KAZN: variants seen among roughly 807,000 people sequenced by gnomAD.
KAZN encodes kazrin.
KAZN carries 40 observed loss-of-function variants against 87.4 expected under a neutral mutation model. The ratio of observed to expected loss-of-function variants is 0.46; its 90% CI spans 0.36 to 0.60. KAZN has a LOEUF of 0.60. Ranked by LOEUF, KAZN falls within the 20% of genes least tolerant of loss-of-function variation. The pLI, the probability that KAZN is intolerant of heterozygous loss-of-function variation, is 0.00. For synonymous variants in KAZN, 466 were observed against 458.3 expected (o/e 1.02, Z -0.22); for missense variants, 898 against 1,073.9 (o/e 0.84, Z 2.29).
chr1:13,916,326 G>A (rs956882917), intron 1 of KAZN, among the ~76,000 whole-genome samples: 4 of 152,160 alleles, frequency 2.6e-5, no homozygotes, highest in African/African-American at 9.7e-5. Context: ...CTCTGATTAT[G>A]TTCTGTTTCT....
chr1:14,485,507 C>T (rs1669301267), intron 2 of KAZN, among the ~76,000 whole-genome samples: 2 of 152,142 alleles, frequency 1.3e-5, no homozygotes, highest in South Asian at 4.1e-4. Flanking sequence ...GCCATGGCAA[C>T]ACCCAGAACT....
intron 2 of KAZN, among the ~76,000 whole-genome samples, chr1:14,431,511 A>C (rs556701130): frequency 7.7e-4 from 117 of 152,262 alleles, no homozygotes; most frequent in African/African-American, 2.6e-3. Flanking sequence ...TAGCTGGTAA[A>C]GTATTGTTTC....
At chr1:14,899,375 C>G (rs998396192) in intron 1 of KAZN, among the ~76,000 whole-genome samples, 4 of 152,138 alleles carry the variant, frequency 2.6e-5, no homozygotes, top group African/African-American at 9.7e-5. Flanking sequence ...AAAACCTTTT[C>G]CCAGGGTTTT....
rs1645087619 is a variant in KAZN, at chr1:14,773,715, T to C, written c.226+174492T>C. On this transcript the variant is annotated intron_variant, in intron 1 of 14. Coordinates refer to ENST00000376030, the MANE Select transcript of KAZN (RefSeq NM_201628.3). The surrounding 1 kb of genome is among the most constrained non-coding windows in gnomAD (Gnocchi z 5.9). ...GGTTACCCATTGGCGTCACTTAGCC[T>C]GGCAGTGCTGCTAATGAGGCCTCTG... 6.6e-6 allele frequency among the ~76,000 whole-genome samples: 1 copy of C among 152,168 alleles called. No individual in the cohort carries two copies. Among genetic ancestry groups the C allele is most frequent in the African/African-American group, 2.4e-5 (1 of 41,452 alleles).
chr1:14,045,815 G>C (rs1345005985), intron 1 of KAZN, among the ~76,000 whole-genome samples: 1 of 152,146 alleles, frequency 6.6e-6, no homozygotes, highest in Non-Finnish European at 1.5e-5. Context: ...ACTTAACATA[G>C]TACCTATAAA....
At chr1:15,058,029 C>T (rs1638457686) in intron 5 of KAZN, among the ~76,000 whole-genome samples, 1 of 152,248 alleles carries the variant, frequency 6.6e-6, no homozygotes, top group Non-Finnish European at 1.5e-5. Flanking sequence ...CAGACACCCC[C>T]TCCTCCAGGA....
chr1:15,069,270 G>C (rs1639401035), intron 8 of KAZN, among the ~76,000 whole-genome samples: 1 of 152,082 alleles, frequency 6.6e-6, no homozygotes, highest in South Asian at 2.1e-4. Context: ...CATAGCCTCA[G>C]ATAGCCACAG....
At chr1:14,546,950 G>A (rs979262277) in intron 2 of KAZN, among the ~76,000 whole-genome samples, 14 of 152,146 alleles carry the variant, frequency 9.2e-5, no homozygotes, top group African/African-American at 3.4e-4. Context: ...TCCCCTTCCT[G>A]TGCACCTGGG....
chr1:14,058,395 C>A (rs1642662204), intron 1 of KAZN, among the ~76,000 whole-genome samples: 1 of 152,156 alleles, frequency 6.6e-6, no homozygotes, highest in African/African-American at 2.4e-5. Flanking sequence ...ATTCTGTTCT[C>A]TGCTACTGGC....
intron 1 of KAZN, among the ~76,000 whole-genome samples, chr1:13,907,825 C>T (rs930651567): frequency 7.2e-5 from 11 of 152,100 alleles, no homozygotes; most frequent in East Asian, 3.8e-4. Flanking sequence ...CTTCTCCCAC[C>T]GCAACATTTT....
At chr1:14,268,639 T>C (rs1160646746) in intron 2 of KAZN, among the ~76,000 whole-genome samples, 8 of 152,188 alleles carry the variant, frequency 5.3e-5, no homozygotes. Flanking sequence ...CAGTTGGCTT[T>C]CAACTTGAAG....
At chr1:14,868,195 C>T (rs74894142) in intron 1 of KAZN, among the ~76,000 whole-genome samples, 4,474 of 151,688 alleles carry the variant, frequency 0.029, 83 homozygotes, top group Non-Finnish European at 0.041. Flanking sequence ...TCAAATAGCA[C>T]GCATCACATA....
intron 1 of KAZN, among the ~76,000 whole-genome samples, chr1:14,600,517 G>T (rs567632998): frequency 6.6e-6 from 1 of 152,042 alleles, no homozygotes; most frequent in Admixed American, 6.6e-5. Flanking sequence ...TTAGGAATTG[G>T]GGGGAGTACT....
chr1:14,515,497 C>T (rs1173608503), intron 2 of KAZN, among the ~76,000 whole-genome samples: 10 of 152,322 alleles, frequency 6.6e-5, no homozygotes, highest in Admixed American at 6.5e-4. Context: ...ACTTGGGAAA[C>T]CCGGAAGCAG....
At chr1:14,007,676 A>G (rs1445061670) in intron 1 of KAZN, among the ~76,000 whole-genome samples, 1 of 152,250 alleles carries the variant, frequency 6.6e-6, no homozygotes, top group African/African-American at 2.4e-5. Flanking sequence ...TTTCCAAATC[A>G]CTAGCAGCAT....
rs965513389 is a variant in KAZN, at chr1:14,714,408, GA to G, written c.226+115195del. 3.3e-3 allele frequency among the ~76,000 whole-genome samples: 500 copies of G among 149,664 alleles called. 3 individuals carry two copies. Among genetic ancestry groups the G allele is most frequent in the African/African-American group, 0.011 (461 of 40,896 alleles). Reference sequence around the variant, plus strand: ...CATTATTAAAGAAACCCAAAGCAAAGAAAAAAAAAATCCCTAAGCAGCCAGT... The same window carrying G: ...CATTATTAAAGAAACCCAAAGCAAAGAAAAAAAAATCCCTAAGCAGCCAGT... On this transcript the variant is annotated intron_variant, in intron 1 of 14. Coordinates refer to ENST00000376030, the MANE Select transcript of KAZN (RefSeq NM_201628.3).
intron 1 of KAZN, among the ~76,000 whole-genome samples, chr1:14,080,117 C>T (rs1643614497): frequency 6.6e-6 from 1 of 152,204 alleles, no homozygotes; most frequent in Non-Finnish European, 1.5e-5. Context: ...TCCTTTTACC[C>T]TTCTAAGTTC....
chr1:14,168,427 G>T (rs141978032), intron 1 of KAZN, among the ~76,000 whole-genome samples: 3 of 151,300 alleles, frequency 2.0e-5, no homozygotes, highest in African/African-American at 7.3e-5. Flanking sequence ...ATGTGAAAGC[G>T]TTTATTATCT....
chr1:14,780,798 C>A (rs1645311835), intron 1 of KAZN, among the ~76,000 whole-genome samples: 1 of 152,196 alleles, frequency 6.6e-6, no homozygotes, highest in Non-Finnish European at 1.5e-5. Flanking sequence ...CTGATGATCA[C>A]CAGTCTAGAG....
Sources: gnomAD v4.1 joint callset for allele counts (sites outside exome capture counted in the v4.1 genomes callset) on GRCh38, gnomAD v4.1.1 for gene constraint, Gnocchi (gnomAD v3.1) non-coding constraint, MANE v1.5 for transcripts, NCBI Gene and HGNC (gene_info 2026-07-23, HGNC 2026-07-21) for gene names.